The following PABPC4 variants were observed in gnomAD, a reference collection of about 807,000 sequenced individuals.
The protein encoded by PABPC4 is polyadenylate-binding protein 4.
In PABPC4, 15 loss-of-function variants were observed where a neutral mutation model predicts 74.5. The observed-to-expected ratio is 0.20, with a 90% confidence interval of 0.13 to 0.31. PABPC4 has a LOEUF of 0.31. Among genes scored for constraint, PABPC4 ranks in the 10% least tolerant of loss-of-function variants. The pLI is 1.00. For missense variants in PABPC4, 610 were observed against 853.5 expected, an observed-to-expected ratio of 0.71 and a Z score of 3.55; for synonymous variants, 345 against 303.0, an observed-to-expected ratio of 1.14 and a Z score of -1.44.
rs1311545314 is a variant in PABPC4, at chr1:39,576,565, G to A, written c.-614C>T. On this transcript the variant is annotated 5_prime_UTR_variant, in exon 1 of 16. Coordinates refer to ENST00000372858, the MANE Select transcript of PABPC4 (RefSeq NM_001135653.2). ...CGGGCGGCTCACCCCCGGACCGACG[G>A]ACGGAGACCGACGGACGCCAAGCGC... The A allele has an allele frequency of 5.3e-5, 8 of 149,900 alleles. No homozygotes were observed. Among genetic ancestry groups the A allele is most frequent in the Admixed American group, 5.3e-4 (8 of 15,004 alleles). The allele number at this position is 149,900 out of a possible 1,614,324, so 9.3% of individuals were successfully genotyped here. A position where few individuals can be genotyped will look rare whatever the true frequency, so the allele number is the denominator to read the frequency against.
intron 5 of PABPC4, among the ~76,000 whole-genome samples, chr1:39,569,176 A>G (rs1327449557): frequency 2.0e-5 from 3 of 152,256 alleles, no homozygotes; most frequent in African/African-American, 7.2e-5. Context: ...AAGTGTGCTG[A>G]CATGAGCCTA....
At chr1:39,574,108 C>G (rs1286508136) in intron 1 of PABPC4, among the ~76,000 whole-genome samples, 1 of 152,108 alleles carries the variant, frequency 6.6e-6, no homozygotes, top group Admixed American at 6.5e-5. Flanking sequence ...GTTTCATTAG[C>G]CGGGAGAATT....
At chr1:39,574,381 C>T (rs1254332670) in intron 1 of PABPC4, among the ~76,000 whole-genome samples, 2 of 152,250 alleles carry the variant, frequency 1.3e-5, no homozygotes, top group Non-Finnish European at 2.9e-5. Context: ...GGCAAGCCGG[C>T]TTAGTCTGAC....
In PABPC4 at chr1:39,567,745, T is replaced by C. The variant is rs969989335; in HGVS notation, c.972+6A>G. Reference sequence around the variant, plus strand: ...TGCTTTCAATCCCCAGATCGCAGTATAATACCTTAGCACTGGTAATTGATC... The same window carrying C: ...TGCTTTCAATCCCCAGATCGCAGTACAATACCTTAGCACTGGTAATTGATC... On this transcript the variant is annotated splice_donor_region_variant and intron_variant, in intron 7 of 15. Transcript: ENST00000372858. 7.2e-7 allele frequency: 1 copy of C among 1,392,434 alleles called. No homozygotes were observed. The highest frequency in any genetic ancestry group is 1.4e-5 in the African/African-American group (1 of 70,918). 86.3% of individuals were successfully genotyped at this position (1,392,434 alleles called of 1,614,324 possible).
chr1:39,565,688 C>T (rs917190152), intron 7 of PABPC4, among the ~76,000 whole-genome samples: 3 of 152,016 alleles, frequency 2.0e-5, no homozygotes, highest in Non-Finnish European at 4.4e-5. Context: ...ATCAGCTGGG[C>T]GTGGTGGCAC....
rs1406074288 is a variant in PABPC4, at chr1:39,571,260, A to G, written c.477T>C (p.Asn159=). 1.2e-6 allele frequency: 2 copies of G among 1,614,146 alleles called. No individual in the cohort carries two copies. Among genetic ancestry groups the G allele is most frequent in the South Asian group, 1.1e-5 (1 of 91,066 alleles). ...EAADKAIEKM[N]GMLLNDRKVF... ...CTTTGCGGTCATTGAGGAGCATGCC[A>G]TTCATCTTCTCGATGGCCTTGTCGG... is the stretch of plus-strand genomic sequence containing the variant. Residue 159 remains asparagine (N), a synonymous_variant, in exon 3 of 16, where the codon AAT becomes AAC. Transcript: ENST00000372858.
chr1:39,563,296 T>C, intron 12 of PABPC4: 1 of 290,158 alleles, frequency 3.4e-6, no homozygotes, highest in South Asian at 5.6e-5. Context: ...CAGCCAAGGA[T>C]CCAATAGGTC....
intron 3 of PABPC4, among the ~76,000 whole-genome samples, chr1:39,570,876 CA>C (rs1645929513): frequency 6.6e-6 from 1 of 152,258 alleles, no homozygotes. Flanking sequence ...TGCTAGTATA[CA>C]GCTCCTGGTC....
chr1:39,562,047 G>A (rs1645775899), intron 14 of PABPC4, 26 bp downstream of exon 14: 1 of 1,606,778 alleles, frequency 6.2e-7, no homozygotes, highest in Admixed American at 1.7e-5. Flanking sequence ...GAGAACTGAA[G>A]CTGCAGGGTC....
chr1:39,565,928 A>G (rs1381876529), intron 7 of PABPC4, among the ~76,000 whole-genome samples: 2 of 152,132 alleles, frequency 1.3e-5, no homozygotes, highest in Non-Finnish European at 2.9e-5. Context: ...AAAAAAAAGG[A>G]TGTCCCTGGG....
intron 12 of PABPC4, chr1:39,563,158 G>A: frequency 6.0e-6 from 1 of 167,700 alleles, no homozygotes; most frequent in Non-Finnish European, 1.3e-5. Context: ...GCAAGTTACA[G>A]CTTAGAAAAT....
At chr1:39,565,479 G>T in intron 7 of PABPC4, 101 bp from the exon 8 acceptor site, 1 of 1,216,426 alleles carries the variant, frequency 8.2e-7, no homozygotes, top group Non-Finnish European at 1.2e-6. Context: ...AGGTGGGAGG[G>T]CTGCTTGAGC....
At chr1:39,565,499 T>A (rs1645823255) in intron 7 of PABPC4, 121 bp from the exon 8 acceptor site, 1 of 981,870 alleles carries the variant, frequency 1.0e-6, no homozygotes, top group African/African-American at 1.6e-5. Context: ...CTCAGGAGGT[T>A]GAGACCAGCT....
In PABPC4 at chr1:39,576,229, A is replaced by C; in HGVS notation, c.-278T>G. On this transcript the variant is annotated 5_prime_UTR_variant, in exon 1 of 16. It adds an upstream start codon to the 5' untranslated region. Transcript: ENST00000372858. ...TCCGCGGTCCTGGTGCGAAGCTCCA[A>C]ATTTCAAAAAATCAAAGTAGGAAAA... The C allele has an allele frequency of 2.8e-6, 1 of 361,708 alleles. No homozygotes were observed. The highest frequency in any genetic ancestry group is 4.9e-6 in the Non-Finnish European group (1 of 202,594). The allele number at this position is 361,708 out of a possible 1,614,324, so 22.4% of individuals were successfully genotyped here.
At chr1:39,574,114 G>A (rs1036292904) in intron 1 of PABPC4, among the ~76,000 whole-genome samples, 2 of 152,152 alleles carry the variant, frequency 1.3e-5, no homozygotes, top group African/African-American at 4.8e-5. Context: ...TTAGCCGGGA[G>A]AATTTATTTT....
At chr1:39,573,181 A>G (rs1160858447) in intron 1 of PABPC4, 1 of 152,066 alleles carries the variant, frequency 6.6e-6, no homozygotes, top group Non-Finnish European at 1.5e-5. Context: ...AAAAAAAAAA[A>G]GGTGCTATCC....
At chr1:39,567,132 TAC>T (rs1645857993) in intron 7 of PABPC4, among the ~76,000 whole-genome samples, 1 of 152,202 alleles carries the variant, frequency 6.6e-6, no homozygotes, top group Non-Finnish European at 1.5e-5. Context: ...GGACAAGCAG[TAC>T]ACCATCCCCA....
intron 6 of PABPC4, 72 bp downstream of exon 6, chr1:39,568,730 G>A (rs748365125): frequency 2.5e-5 from 36 of 1,437,956 alleles, no homozygotes; most frequent in Middle Eastern, 1.8e-4. Context: ...AAGAAAGCCC[G>A]CTAAACATAG....
intron 12 of PABPC4, 53 bp downstream of exon 12, chr1:39,563,561 A>G: frequency 1.9e-6 from 3 of 1,585,974 alleles, no homozygotes; most frequent in Non-Finnish European, 1.7e-6. Flanking sequence ...CTTCTTTTAC[A>G]TCAAGTGGAA....
Sources: allele counts gnomAD v4.1 joint callset (sites outside exome capture counted in the v4.1 genomes callset), GRCh38; gene constraint gnomAD v4.1.1; transcripts MANE v1.5; gene names NCBI Gene and HGNC (gene_info 2026-07-23, HGNC 2026-07-21).